The following CCNL1 variants were observed in gnomAD, a reference collection of about 807,000 sequenced individuals.
The protein encoded by CCNL1 is cyclin L1.
CCNL1 carries 13 observed loss-of-function variants against 60.6 expected under a neutral mutation model. That is an observed-to-expected ratio of 0.21 (90% CI 0.14 to 0.34). The LOEUF is 0.34. CCNL1 is among the 10% of genes least tolerant of loss of function. CCNL1 has a pLI of 1.00. For synonymous variants in CCNL1, 270 were observed against 244.3 expected (o/e 1.10, Z -0.98); for missense variants, 481 against 664.3 (o/e 0.72, Z 3.03).
intron 5 of CCNL1, chr3:157,151,862 C>G (rs1363188912): frequency 8.4e-7 from 1 of 1,189,212 alleles, no homozygotes; most frequent in Non-Finnish European, 1.1e-6. Flanking sequence ...GGTAGCCAAT[C>G]AGGCCATCCT....
At chr3:157,156,298 A>G in intron 3 of CCNL1, among the ~76,000 whole-genome samples, 1 of 152,244 alleles carries the variant, frequency 6.6e-6, no homozygotes. Context: ...CCACAGAATT[A>G]TACTGTAGAA....
chr3:157,152,302 C>T, intron 4 of CCNL1, 61 bp from the exon 5 acceptor site: 2 of 1,564,244 alleles, frequency 1.3e-6, no homozygotes, highest in South Asian at 2.4e-5. Context: ...GAGTAGAGTT[C>T]AATGAAAAAA....
intron 8 of CCNL1, 62 bp downstream of exon 8, chr3:157,149,774 G>A (rs774020996): frequency 6.4e-7 from 1 of 1,563,454 alleles, no homozygotes; most frequent in Admixed American, 2.0e-5. Flanking sequence ...AAATGTAAAA[G>A]CTCTCTAATA....
chr3:157,148,300 A>G lies in CCNL1; in HGVS notation c.1522T>C (p.Ser508Pro). The change falls in exon 11 of 11, where the codon TCC becomes CCC. Residue 508 changes from serine (S) to proline (P), a missense_variant. Ser to Pro is a moderately conservative substitution (Grantham distance 74). Transcript: ENST00000295926. Reference protein sequence around the residue: ...RRERSRSFERSHKSKHHGGSR... With the variant: ...RRERSRSFERPHKSKHHGGSR... Reference sequence around the variant, plus strand: ...CCACCATGGTGCTTGCTTTTATGGGACCTCTCAAAGGAGCGAGATCGTTCA... The same window carrying G: ...CCACCATGGTGCTTGCTTTTATGGGGCCTCTCAAAGGAGCGAGATCGTTCA... 1 of 1,613,928 alleles carries G rather than the reference A, an allele frequency of 6.2e-7. No homozygotes were observed. Among genetic ancestry groups the G allele is most frequent in the Non-Finnish European group, 8.5e-7 (1 of 1,179,964 alleles).
intron 5 of CCNL1, chr3:157,150,798 A>G: frequency 1.0e-6 from 1 of 990,036 alleles, no homozygotes; most frequent in South Asian, 4.6e-5. Flanking sequence ...GTGTCAACCA[A>G]GTTCTTTTCA....
At position 157,148,327 on chromosome 3, in the gene CCNL1, G is replaced by A. The variant is rs948726021; in HGVS notation, c.1495C>T (p.Arg499Cys). The change falls in exon 11 of 11, where the codon CGT becomes TGT. Residue 499 changes from arginine (R) to cysteine (C), a missense_variant. By Grantham distance (180) the Arg-to-Cys change is radical. This residue lies in a region of CCNL1 where 197 missense variants were observed against 233.9 expected (regional missense o/e 0.84). Coordinates refer to ENST00000295926, the MANE Select transcript of CCNL1 (RefSeq NM_020307.4). Reference sequence around the variant, plus strand: ...CTCTCAAAGGAGCGAGATCGTTCACGCCTGTCCCTATGATGTCCCCTTTCA... The same window carrying A: ...CTCTCAAAGGAGCGAGATCGTTCACACCTGTCCCTATGATGTCCCCTTTCA... Reference protein sequence around the residue: ...RHERGHHRDRRERSRSFERSH... With the variant: ...RHERGHHRDRCERSRSFERSH... 4.3e-6 allele frequency: 7 copies of A among 1,614,050 alleles called. No homozygotes were observed. The highest frequency in any genetic ancestry group is 1.3e-5 in the African/African-American group (1 of 74,916).
chr3:157,154,456 A>C (rs1738434949), intron 3 of CCNL1: 1 of 152,226 alleles, frequency 6.6e-6, no homozygotes, highest in Non-Finnish European at 1.5e-5. Context: ...TCTAGGCAGA[A>C]TACACGATCT....
chr3:157,145,702 T>A (rs1158869699), downstream of CCNL1, among the ~76,000 whole-genome samples: 2 of 152,138 alleles, frequency 1.3e-5, no homozygotes, highest in Non-Finnish European at 2.9e-5. Flanking sequence ...ACAGTCTGGG[T>A]GTCCAGGCTT....
In CCNL1 at chr3:157,148,150, C is replaced by G; in HGVS notation, c.*91G>C. On this transcript the variant is annotated 3_prime_UTR_variant, in exon 11 of 11. Transcript: ENST00000295926. ...GGGTTTCAAGAAATCAAATCCTAAT[C>G]AGTTTGCGTTTAATGTTTTTGATTG... 1 of 1,492,570 alleles carries G rather than the reference C, an allele frequency of 6.7e-7. No homozygotes were observed. Among genetic ancestry groups the G allele is most frequent in the East Asian group, 2.3e-5 (1 of 43,004 alleles). The allele number at this position is 1,492,570 out of a possible 1,614,324, so 92.5% of individuals were successfully genotyped here. A position where few individuals can be genotyped will look rare whatever the true frequency, so the allele number is the denominator to read the frequency against.
intron 5 of CCNL1, chr3:157,151,612 A>G: frequency 1.0e-6 from 1 of 987,594 alleles, no homozygotes; most frequent in Non-Finnish European, 1.2e-6. Context: ...AAATTTAGTC[A>G]AACTCCTAAT....
chr3:157,159,009 T>C, intron 2 of CCNL1, 34 bp from the exon 3 acceptor site: 37 of 1,392,502 alleles, frequency 2.7e-5, no homozygotes, highest in Non-Finnish European at 3.5e-5. Flanking sequence ...AAGCCATTGT[T>C]AGATTAAACT....
downstream of CCNL1, among the ~76,000 whole-genome samples, chr3:157,146,237 A>G (rs191506453): frequency 2.7e-4 from 41 of 152,292 alleles, no homozygotes; most frequent in African/African-American, 9.6e-4. Context: ...AATGAGTATT[A>G]CTTCTAGAGA....
intron 4 of CCNL1, 102 bp from the exon 5 acceptor site, chr3:157,152,343 T>C (rs943761245): frequency 8.5e-6 from 13 of 1,527,682 alleles, no homozygotes; most frequent in Non-Finnish European, 1.0e-5. Context: ...CAAGTTCTAA[T>C]TGTGCATCGA....
chr3:157,150,392 T>C lies in CCNL1; in HGVS notation c.675-11A>G, dbSNP rs768823145. On this transcript the variant is annotated splice_polypyrimidine_tract_variant and intron_variant, in intron 5 of 10. Transcript: ENST00000295926. The stretch of plus-strand genomic sequence containing the variant: ...TCATTCATGTAATTCCTGAAAAATA[T>C]TTCAACTATAAGCTTGCATGTAAAC... 11 of 1,612,182 alleles carry C rather than the reference T, an allele frequency of 6.8e-6. No homozygotes were observed. The highest frequency in any genetic ancestry group is 2.7e-5 in the African/African-American group (2 of 74,868).
At chr3:157,156,669 C>T (rs1738647595) in intron 3 of CCNL1, among the ~76,000 whole-genome samples, 1 of 152,192 alleles carries the variant, frequency 6.6e-6, no homozygotes. Context: ...CAATGACCTA[C>T]AAGCAACATG....
chr3:157,160,117 G>A lies in CCNL1; in HGVS notation c.-23C>T. 3 of 1,528,404 alleles carry A rather than the reference G, an allele frequency of 2.0e-6. No homozygotes were observed. Among genetic ancestry groups the A allele is most frequent in the Non-Finnish European group, 1.8e-6 (2 of 1,135,498 alleles). The allele number at this position is 1,528,404 out of a possible 1,614,324, so 94.7% of individuals were successfully genotyped here. ...CATAGTCTTAGCGAGCCGCACGCAA[G>A]CCCAACGCAGCCGGAACCCGAAACA... On this transcript the variant is annotated 5_prime_UTR_variant, in exon 1 of 11. Transcript: ENST00000295926.
At chr3:157,143,664 G>A (rs544445805), downstream of CCNL1, among the ~76,000 whole-genome samples, 268 of 152,268 alleles carry the variant, frequency 1.8e-3, 2 homozygotes, top group Middle Eastern at 0.017. Flanking sequence ...CTGGCTAAGG[G>A]ATAGAATATG....
At chr3:157,157,343 AT>A (rs891234431) in intron 3 of CCNL1, among the ~76,000 whole-genome samples, 2 of 152,116 alleles carry the variant, frequency 1.3e-5, no homozygotes, top group African/African-American at 2.4e-5. Flanking sequence ...ATTATTTTAA[AT>A]TCCATGGTTT....
chr3:157,157,170 A>C, intron 3 of CCNL1: 2 of 1,147,060 alleles, frequency 1.7e-6, no homozygotes, highest in Non-Finnish European at 2.3e-6. Context: ...ATATGCATAG[A>C]AACACTTTTA....
Sources: allele counts gnomAD v4.1 joint callset (sites outside exome capture counted in the v4.1 genomes callset), GRCh38; gene constraint gnomAD v4.1.1; regional missense constraint gnomAD v4.1.1; transcripts MANE v1.5; gene names NCBI Gene and HGNC (gene_info 2026-07-23, HGNC 2026-07-21).